Variants in CYP3A5 observed in about 807,000 individuals in gnomAD.
CYP3A5 encodes cytochrome P450 3A5.
In CYP3A5, 51 loss-of-function variants were observed where a neutral mutation model predicts 55.9. The observed-to-expected ratio is 0.91, with a 90% confidence interval of 0.73 to 1.15. The LOEUF (loss-of-function observed/expected upper bound fraction) is 1.15, where lower values mean the gene tolerates loss of function less well. Among genes scored for constraint, CYP3A5 ranks in the 50% most tolerant of loss-of-function variants. CYP3A5 has a pLI of 0.00. For missense variants in CYP3A5, 533 were observed against 596.6 expected, an observed-to-expected ratio of 0.89 and a Z score of 1.11; for synonymous variants, 196 against 213.9, an observed-to-expected ratio of 0.92 and a Z score of 0.73.
intron 1 of CYP3A5, among the ~76,000 whole-genome samples, chr7:99,678,678 A>C (rs1812527016): frequency 1.3e-5 from 2 of 152,262 alleles, no homozygotes; most frequent in African/African-American, 4.8e-5. Flanking sequence ...ATTCTGGTTT[A>C]AAAATGAATG....
At chr7:99,676,417 TGAAAGCAGC>T (rs1003627226) in intron 1 of CYP3A5, 3 of 1,487,026 alleles carry the variant, frequency 2.0e-6, no homozygotes, top group Non-Finnish European at 2.7e-6. Context: ...AATGATTAGC[TGAAAGCAGC>T]TGAAGTCTTC....
At chr7:99,660,809 G>A (rs1810365335) in intron 9 of CYP3A5, 150 bp from the exon 10 acceptor site, 8 of 923,458 alleles carry the variant, frequency 8.7e-6, no homozygotes, top group African/African-American at 1.7e-5. Flanking sequence ...ATTCTGATAT[G>A]TATCTTATAC....
At chr7:99,661,637 G>C (rs1178976604) in intron 9 of CYP3A5, among the ~76,000 whole-genome samples, 2 of 152,194 alleles carry the variant, frequency 1.3e-5, no homozygotes, top group Non-Finnish European at 2.9e-5. Context: ...TAAATATGGT[G>C]CCTGCAGCAA....
In CYP3A5 at chr7:99,672,666, G is replaced by A. The variant is rs1811786407; in HGVS notation, c.232C>T (p.Gln78Ter). 3.7e-6 allele frequency: 6 copies of A among 1,613,966 alleles called. No homozygotes were observed. Among genetic ancestry groups the A allele is most frequent in the Non-Finnish European group, 3.4e-6 (4 of 1,179,986 alleles). Residue 78 changes from glutamine (Q) to a stop codon, truncating the protein, a stop_gained, in exon 4 of 13, where the codon CAA becomes TAA. Coordinates refer to ENST00000222982, the MANE Select transcript of CYP3A5 (RefSeq NM_000777.5). LOFTEE classifies it high-confidence loss of function. ...YGKMWGTYEG[Q>*]LPVLAITDPD... ...TCTGTGATGGCCAGCACAGGGAGTTGACCTTCATACGTTCTGTGTGGGGAC... is the reference window on the plus strand; with the variant it reads ...TCTGTGATGGCCAGCACAGGGAGTTAACCTTCATACGTTCTGTGTGGGGAC...
intron 7 of CYP3A5, 34 bp from the exon 8 acceptor site, chr7:99,664,129 A>G: frequency 6.6e-7 from 1 of 1,520,048 alleles, no homozygotes; most frequent in Non-Finnish European, 8.9e-7. Context: ...AAAGGAAATC[A>G]TTGAAAATGC....
At position 99,662,825 on chromosome 7, in the gene CYP3A5, A is replaced by G. The variant is rs1810581522; in HGVS notation, c.856T>C (p.Ser286Pro). The G allele has an allele frequency of 1.2e-6, 2 of 1,613,776 alleles. No individual in the cohort carries two copies. Among genetic ancestry groups the G allele is most frequent in the Admixed American group, 1.7e-5 (1 of 60,000 alleles). ...IDSQNSKETE[S>P]HKALSDLELA... Reference sequence around the variant, plus strand: ...AGCACTCCTTGGTTACCTTTGTGGGACTCAGTTTCTTTCGAATTCTGGGAG... The same window carrying G: ...AGCACTCCTTGGTTACCTTTGTGGGGCTCAGTTTCTTTCGAATTCTGGGAG... Residue 286 changes from serine (S) to proline (P), a missense_variant, in exon 9 of 13, where the codon TCC becomes CCC. Transcript: ENST00000222982. The surrounding 1 kb of genome is among the most constrained non-coding windows in gnomAD (Gnocchi z 4.3).
rs776843927 is a variant in CYP3A5, at chr7:99,648,397, G to A, written c.1417C>T (p.Pro473Ser). Residue 473 changes from proline (P) to serine (S), a missense_variant, in exon 13 of 13, where the codon CCC (proline) becomes TCC (serine). Transcript: ENST00000222982. ...SFKPCKETQI[P>S]LKLDTQGLLQ... ...AGTCCTTGCGTGTCTAATTTCAAGG[G>A]GATCTACAATAGTTAAACAAGCATA... 1.0e-5 allele frequency: 16 copies of A among 1,601,842 alleles called. No individual in the cohort carries two copies. The East Asian group carries it at 2.3e-4, about 23-fold the overall frequency.
intron 10 of CYP3A5, among the ~76,000 whole-genome samples, chr7:99,654,052 A>G (rs1052781443): frequency 6.6e-6 from 1 of 151,968 alleles, no homozygotes; most frequent in African/African-American, 2.4e-5. Context: ...TGAGCAATAA[A>G]TGCTTCTCAT....
At chr7:99,663,942 G>A (rs772684313) in intron 8 of CYP3A5, 26 bp downstream of exon 8, 51 of 1,559,286 alleles carry the variant, frequency 3.3e-5, no homozygotes, top group Middle Eastern at 3.7e-4. Flanking sequence ...CCTAAACATC[G>A]TCATTTAACC....
chr7:99,658,116 C>T (rs1352101118), intron 10 of CYP3A5, among the ~76,000 whole-genome samples: 1 of 152,074 alleles, frequency 6.6e-6, no homozygotes, highest in Non-Finnish European at 1.5e-5. Flanking sequence ...GAATTTGATC[C>T]TGTCATTATG....
intron 8 of CYP3A5, chr7:99,663,619 T>A (rs1176382031): frequency 1.0e-6 from 1 of 1,001,036 alleles, no homozygotes; most frequent in African/African-American, 1.7e-5. Flanking sequence ...TTTACCAATC[T>A]GTGATATGAG....
intron 10 of CYP3A5, chr7:99,660,214 CTTTTT>C (rs34318418): frequency 1.9e-3 from 812 of 428,904 alleles, no homozygotes; most frequent in Middle Eastern, 7.0e-3. Context: ...CGCCACACTC[CTTTTT>C]TTTTTTTTTT....
intron 1 of CYP3A5, chr7:99,676,607 T>C: frequency 1.5e-6 from 2 of 1,294,674 alleles, no homozygotes; most frequent in South Asian, 2.3e-5. Flanking sequence ...TTTTTTTGTC[T>C]TTTGCACTGA....
chr7:99,670,811 A>C (rs1811532425), intron 4 of CYP3A5: 1 of 152,204 alleles, frequency 6.6e-6, no homozygotes, highest in Admixed American at 6.5e-5. Flanking sequence ...GCACCTTGAG[A>C]ACTCACTGAG....
chr7:99,676,308 A>G (rs1342302217), intron 1 of CYP3A5, 100 bp from the exon 2 acceptor site: 3 of 1,585,410 alleles, frequency 1.9e-6, no homozygotes, highest in South Asian at 2.2e-5. Flanking sequence ...AGAGGGAGGT[A>G]ATATGTACAC....
At chr7:99,672,488 T>A (rs1811766863) in intron 4 of CYP3A5, 92 bp downstream of exon 4, 2 of 1,127,238 alleles carry the variant, frequency 1.8e-6, no homozygotes, top group Non-Finnish European at 2.7e-6. Context: ...GTACATTTTT[T>A]AGGTAACCTT....
At chr7:99,678,002 A>T (rs1459247610) in intron 1 of CYP3A5, among the ~76,000 whole-genome samples, 2 of 152,210 alleles carry the variant, frequency 1.3e-5, no homozygotes, top group African/African-American at 2.4e-5. Context: ...TGGTAGAGTA[A>T]TGCAGCCTTT....
In CYP3A5 at chr7:99,650,163, G is replaced by C; in HGVS notation, c.1323C>G (p.Cys441Trp). 1 of 1,614,114 alleles carries C rather than the reference G, an allele frequency of 6.2e-7. No homozygotes were observed. Among genetic ancestry groups the C allele is most frequent in the African/African-American group, 1.3e-5 (1 of 75,052 alleles). The change falls in exon 12 of 13, where the codon TGC becomes TGG. Residue 441 changes from cysteine to tryptophan, a missense_variant. Cys to Trp is a radical substitution (Grantham distance 215). Transcript: ENST00000222982. ...YTPFGTGPRN[C>W]IGMRFALMNM... is the part of the protein sequence containing the mutation. ...TCATGAGAGCAAACCTCATGCCAAT[G>C]CAGTTTCTGGGTCCAGTTCCAAAGG... is the stretch of plus-strand genomic sequence containing the variant.
intron 10 of CYP3A5, chr7:99,659,889 A>T (rs923064143): frequency 6.7e-6 from 1 of 150,088 alleles, no homozygotes; most frequent in Non-Finnish European, 1.5e-5. Flanking sequence ...GCGGGATATA[A>T]TCTCCTGGTG....
Sources: gnomAD v4.1 joint callset for allele counts (sites outside exome capture counted in the v4.1 genomes callset) on GRCh38, gnomAD v4.1.1 for gene constraint, Gnocchi (gnomAD v3.1) non-coding constraint, MANE v1.5 for transcripts, NCBI Gene and HGNC (gene_info 2026-07-23, HGNC 2026-07-21) for gene names.